Variants in XYLT1 observed in about 807,000 individuals in gnomAD.
The protein encoded by XYLT1 is xylosyltransferase 1.
XYLT1 carries 36 observed loss-of-function variants against 91.3 expected under a neutral mutation model. The observed-to-expected ratio is 0.39, with a 90% CI of 0.30 to 0.52. The LOEUF (loss-of-function observed/expected upper bound fraction) is 0.52. Among genes scored for constraint, XYLT1 ranks in the 20% least tolerant of loss-of-function variants. XYLT1 has a pLI of 0.68. For synonymous variants in XYLT1, 588 were observed against 532.0 expected, an observed-to-expected ratio of 1.11 and a Z score of -1.45; for missense variants, 1,242 against 1,284.5, an observed-to-expected ratio of 0.97 and a Z score of 0.51.
In XYLT1 at chr16:17,207,052, C is replaced by CTT. The variant is rs1211378641; in HGVS notation, c.914-6400_914-6399dup. 3.3e-3 allele frequency among the ~76,000 whole-genome samples: 399 copies of CTT among 121,026 alleles called. 4 individuals carry two copies. Among genetic ancestry groups the CTT allele is most frequent in the African/African-American group, 7.6e-3 (243 of 31,992 alleles). The allele number at this position is 121,026 out of a possible 152,430, so 79.4% of individuals were successfully genotyped here. A position where few individuals can be genotyped will look rare whatever the true frequency, so the allele number is the denominator to read the frequency against. On this transcript the variant is annotated intron_variant, in intron 3 of 11. Transcript: ENST00000261381. ...GAGTCAGGTTGGTTTTCTTTTCTTT[C>CTT]TTTTTTTTTTTTTTTTTTTTTTGAG...
intron 5 of XYLT1, among the ~76,000 whole-genome samples, chr16:17,185,148 A>G (rs2032156300): frequency 6.6e-6 from 1 of 152,252 alleles, no homozygotes; most frequent in Non-Finnish European, 1.5e-5. Context: ...TGACCAGCCT[A>G]AAATACAGCT....
At chr16:17,368,244 G>A (rs1296050904) in intron 1 of XYLT1, among the ~76,000 whole-genome samples, 2 of 152,168 alleles carry the variant, frequency 1.3e-5, no homozygotes, top group African/African-American at 4.8e-5. Context: ...GAGAGACGAT[G>A]AGAACACCTG....
chr16:17,158,752 C>G, intron 6 of XYLT1, 77 bp downstream of exon 6: 2 of 1,516,896 alleles, frequency 1.3e-6, no homozygotes, highest in Non-Finnish European at 1.8e-6. Context: ...CTGCATGAAA[C>G]CAGCCTAGAA....
intron 1 of XYLT1, among the ~76,000 whole-genome samples, chr16:17,374,827 C>T (rs951686427): frequency 6.6e-6 from 1 of 152,108 alleles, no homozygotes; most frequent in African/African-American, 2.4e-5. Flanking sequence ...AAAACATCCC[C>T]CCACCACCTC....
chr16:17,253,592 C>T (rs958384342), intron 3 of XYLT1, among the ~76,000 whole-genome samples: 4 of 152,104 alleles, frequency 2.6e-5, no homozygotes, highest in Admixed American at 2.6e-4. Flanking sequence ...GTGTACTAGG[C>T]CCTTGGAAAC....
At chr16:17,286,722 A>G (rs1390208178) in intron 2 of XYLT1, among the ~76,000 whole-genome samples, 2 of 152,110 alleles carry the variant, frequency 1.3e-5, no homozygotes, top group Non-Finnish European at 1.5e-5. Flanking sequence ...CCAGCAAGCA[A>G]TGGAAGACGG....
chr16:17,254,658 G>C (rs1387171159), intron 3 of XYLT1, among the ~76,000 whole-genome samples: 1 of 152,132 alleles, frequency 6.6e-6, no homozygotes, highest in Non-Finnish European at 1.5e-5. Context: ...GCCTCCCAAA[G>C]TGCTGGGATT....
intron 3 of XYLT1, among the ~76,000 whole-genome samples, chr16:17,240,254 G>C (rs1263676680): frequency 6.6e-6 from 1 of 152,158 alleles, no homozygotes; most frequent in African/African-American, 2.4e-5. Flanking sequence ...GGGGATGCAG[G>C]AACAGGGAGA....
intron 2 of XYLT1, among the ~76,000 whole-genome samples, chr16:17,269,048 T>TGC (rs1224802789): frequency 6.6e-6 from 1 of 152,246 alleles, no homozygotes; most frequent in Non-Finnish European, 1.5e-5. Flanking sequence ...AAGAATGACC[T>TGC]GCTGTCAAGA....
intron 2 of XYLT1, among the ~76,000 whole-genome samples, chr16:17,345,108 C>T (rs1355359660): frequency 6.6e-6 from 1 of 152,188 alleles, no homozygotes; most frequent in Non-Finnish European, 1.5e-5. Flanking sequence ...AAGGGGCCAG[C>T]TGTTGGCCCG....
intron 1 of XYLT1, among the ~76,000 whole-genome samples, chr16:17,358,607 T>A (rs1479347429): frequency 6.6e-6 from 1 of 152,060 alleles, no homozygotes; most frequent in African/African-American, 2.4e-5. Flanking sequence ...GAGGCTCAAG[T>A]TTTTATGAAG....
intron 3 of XYLT1, among the ~76,000 whole-genome samples, chr16:17,223,386 C>T (rs1161458955): frequency 2.0e-5 from 3 of 152,232 alleles, no homozygotes; most frequent in Non-Finnish European, 4.4e-5. Context: ...GGTTGAGGCT[C>T]TTGGTCAAAA....
intron 1 of XYLT1, among the ~76,000 whole-genome samples, chr16:17,383,595 A>G (rs779075051): frequency 5.7e-4 from 86 of 151,980 alleles, no homozygotes; most frequent in Non-Finnish European, 3.7e-4. Flanking sequence ...CAACAAAAGG[A>G]ACATTTACAT....
In XYLT1 at chr16:17,102,198, A is replaced by G. The variant is rs969107394; in HGVS notation, c.*6497T>C. The stretch of plus-strand genomic sequence containing the variant: ...CACGTGGTGCTTCCTTTAACTCTCA[A>G]AAGTATCCCAGTTTGGATGATAAAT... On this transcript the variant is annotated 3_prime_UTR_variant, in exon 12 of 12. Transcript: ENST00000261381. 2.0e-4 allele frequency: 31 copies of G among 152,456 alleles called. No individual in the cohort carries two copies. Among genetic ancestry groups the G allele is most frequent in the African/African-American group, 7.5e-4 (31 of 41,556 alleles). The allele number at this position is 152,456 out of a possible 1,614,324, so 9.4% of individuals were successfully genotyped here. A position where few individuals can be genotyped will look rare whatever the true frequency, so the allele number is the denominator to read the frequency against.
At chr16:17,468,327 C>A (rs2036927604) in intron 1 of XYLT1, among the ~76,000 whole-genome samples, 1 of 151,446 alleles carries the variant, frequency 6.6e-6, no homozygotes, top group Non-Finnish European at 1.5e-5. Context: ...CAACAGTCAA[C>A]AGCATGGTAG....
At chr16:17,115,337 A>AAAT (rs1966849725) in intron 11 of XYLT1, among the ~76,000 whole-genome samples, 1 of 146,944 alleles carries the variant, frequency 6.8e-6, no homozygotes, top group Non-Finnish European at 1.5e-5. Context: ...AAAAAAAAAA[A>AAAT]GCCGGGCATG....
chr16:17,283,430 AGC>A (rs1228027235), intron 2 of XYLT1, among the ~76,000 whole-genome samples: 1 of 152,160 alleles, frequency 6.6e-6, no homozygotes, highest in Non-Finnish European at 1.5e-5. Flanking sequence ...TGCCAAACAC[AGC>A]AAAGTCCAGG....
chr16:17,327,563 C>T (rs1361293389), intron 2 of XYLT1, among the ~76,000 whole-genome samples: 10 of 137,870 alleles, frequency 7.3e-5, no homozygotes, highest in Non-Finnish European at 1.5e-4. Context: ...GGAGTTTCAC[C>T]GTGTTAGCCA....
chr16:17,444,211 A>T (rs1257689018), intron 1 of XYLT1, among the ~76,000 whole-genome samples: 4 of 152,204 alleles, frequency 2.6e-5, no homozygotes, highest in Non-Finnish European at 4.4e-5. Flanking sequence ...GTCTCAGCCC[A>T]CCATAGTCAC....
Sources: gnomAD v4.1 joint callset for allele counts (sites outside exome capture counted in the v4.1 genomes callset) on GRCh38, gnomAD v4.1.1 for gene constraint, MANE v1.5 for transcripts, NCBI Gene and HGNC (gene_info 2026-07-23, HGNC 2026-07-21) for gene names.